The following SPTBN1 variants were observed in gnomAD, a reference collection of about 807,000 sequenced individuals.
The protein encoded by SPTBN1 is spectrin beta, non-erythrocytic 1, also known as spectrin beta chain, non-erythrocytic 1.
A neutral mutation model predicts 266.4 loss-of-function variants in SPTBN1; 32 were observed. That is an observed-to-expected ratio of 0.12 (90% CI 0.09 to 0.16). The LOEUF (loss-of-function observed/expected upper bound fraction) is 0.16. Among genes scored for constraint, SPTBN1 ranks in the 10% least tolerant of loss-of-function variants. The pLI is 1.00. For synonymous variants in SPTBN1, 1,336 were observed against 1,162.2 expected, an observed-to-expected ratio of 1.15 and a Z score of -3.04; for missense variants, 2,296 against 3,067.1, an observed-to-expected ratio of 0.75 and a Z score of 5.94.
rs758301456 is a variant in SPTBN1 at position 54,558,576 on chromosome 2, C to T, written c.148+32010C>T. 6.6e-6 allele frequency: 9 copies of T among 1,359,022 alleles called. No individual in the cohort carries two copies. The highest frequency in any genetic ancestry group is 8.5e-6 in the Non-Finnish European group (9 of 1,053,118). 84.2% of individuals were successfully genotyped at this position (1,359,022 alleles called of 1,614,324 possible). ...GAAGGGAAAGCAAGAAATTAGATGCCTGTGTGGTAACTCCTCGCGGAGCTA... is the reference window on the plus strand; with the variant it reads ...GAAGGGAAAGCAAGAAATTAGATGCTTGTGTGGTAACTCCTCGCGGAGCTA... On this transcript the variant is annotated intron_variant, in intron 2 of 35. Transcript: ENST00000356805. This position sits in a 1 kb window ranked among gnomAD's most constrained non-coding sequence, Gnocchi z 4.6.
In SPTBN1 at chr2:54,626,347, C is replaced by T. The variant is rs1678329164; in HGVS notation, c.1644+113C>T. ...GCTGTGTGCCTTGTCTAACTGCCCA[C>T]ATGTACAGCTAGAGAGGAGCCACAT... On this transcript the variant is annotated intron_variant, in intron 12 of 35. Coordinates refer to ENST00000356805, the MANE Select transcript of SPTBN1 (RefSeq NM_003128.3). The surrounding 1 kb of genome is among the most constrained non-coding windows in gnomAD (Gnocchi z 4.7). The T allele has an allele frequency of 7.7e-7, 1 of 1,292,018 alleles. No homozygotes were observed. The highest frequency in any genetic ancestry group is 2.6e-5 in the Admixed American group (1 of 38,418). 80.0% of individuals were successfully genotyped at this position (1,292,018 alleles called of 1,614,324 possible). A position where few individuals can be genotyped will look rare whatever the true frequency, so the allele number is the denominator to read the frequency against.
chr2:54,531,168 A>G (rs6710191), intron 2 of SPTBN1, among the ~76,000 whole-genome samples: 3,090 of 152,326 alleles, frequency 0.02, 109 homozygotes, highest in African/African-American at 0.068. Flanking sequence ...TTGTTCTAGC[A>G]TATTATTGAA....
At chr2:54,606,503 A>G (rs975469152) in intron 3 of SPTBN1, among the ~76,000 whole-genome samples, 11 of 152,164 alleles carry the variant, frequency 7.2e-5, no homozygotes, top group Non-Finnish European at 1.5e-4. Context: ...TGAACAGCAA[A>G]AATGTCAGAA....
At chr2:54,575,224 A>G (rs1674378487) in intron 2 of SPTBN1, among the ~76,000 whole-genome samples, 1 of 152,206 alleles carries the variant, frequency 6.6e-6, no homozygotes, top group Non-Finnish European at 1.5e-5. Flanking sequence ...AGCCACATTC[A>G]CAGGTGTTAA....
At chr2:54,470,773 A>G (rs531122318) in intron 1 of SPTBN1, among the ~76,000 whole-genome samples, 1 of 152,188 alleles carries the variant, frequency 6.6e-6, no homozygotes, top group Non-Finnish European at 1.5e-5. Context: ...CAGGGCTTCA[A>G]GACTAGCCTG....
At chr2:54,512,129 A>T (rs6545419) in intron 1 of SPTBN1, among the ~76,000 whole-genome samples, 121,230 of 152,146 alleles carry the variant, frequency 0.8, 48,895 homozygotes, top group African/African-American at 0.93. Flanking sequence ...GGTAGGTATA[A>T]GCAAACTATG....
chr2:54,486,884 G>A lies in SPTBN1; in HGVS notation c.-48+30366G>A, dbSNP rs544468111. Among the ~76,000 whole-genome samples, 13 of 152,266 alleles carry A rather than the reference G, an allele frequency of 8.5e-5. No homozygotes were observed. The South Asian group carries it at 2.7e-3, about 32-fold the overall frequency. ...GGCAAGAGCCTTGCCGGGGTCTTCT[G>A]ATGCTTGTATTGAAAAAACTGCTTT... On this transcript the variant is annotated intron_variant, in intron 1 of 35. Transcript: ENST00000356805.
intron 2 of SPTBN1, among the ~76,000 whole-genome samples, chr2:54,583,810 C>G (rs1345604223): frequency 6.6e-6 from 1 of 152,168 alleles, no homozygotes; most frequent in Non-Finnish European, 1.5e-5. Flanking sequence ...TGTTTTCCTC[C>G]AGTGAGTGCT....
intron 2 of SPTBN1, among the ~76,000 whole-genome samples, chr2:54,539,064 C>T (rs546247001): frequency 6.6e-6 from 1 of 152,278 alleles, no homozygotes; most frequent in Admixed American, 6.5e-5. Flanking sequence ...CTATTCTGTA[C>T]CCCATGTTCT....
intron 1 of SPTBN1, among the ~76,000 whole-genome samples, chr2:54,522,394 G>A (rs1167922640): frequency 6.6e-6 from 1 of 151,992 alleles, no homozygotes; most frequent in Non-Finnish European, 1.5e-5. Flanking sequence ...ACTTTGTGAG[G>A]CCAAAGCAAG....
chr2:54,585,458 A>G (rs1675228985), intron 2 of SPTBN1, among the ~76,000 whole-genome samples: 1 of 152,170 alleles, frequency 6.6e-6, no homozygotes, highest in African/African-American at 2.4e-5. Flanking sequence ...TACATTGGGT[A>G]CTTACAGGAT....
chr2:54,608,989 C>T (rs1677038651), intron 3 of SPTBN1, among the ~76,000 whole-genome samples: 4 of 152,108 alleles, frequency 2.6e-5, no homozygotes, highest in African/African-American at 7.2e-5. Context: ...TAAATGTCTT[C>T]ATCCTTGTCT....
At chr2:54,617,024 G>A (rs1471669457) in intron 5 of SPTBN1, among the ~76,000 whole-genome samples, 1 of 152,174 alleles carries the variant, frequency 6.6e-6, no homozygotes, top group Non-Finnish European at 1.5e-5. Flanking sequence ...GGTCAAGTCA[G>A]GTATGAACCT....
At chr2:54,502,801 A>C (rs2104131659) in intron 1 of SPTBN1, among the ~76,000 whole-genome samples, 1 of 152,296 alleles carries the variant, frequency 6.6e-6, no homozygotes, top group East Asian at 1.9e-4. Context: ...TGGAGCTTCT[A>C]GATGGAGGTT....
intron 2 of SPTBN1, chr2:54,557,915 G>A: frequency 3.0e-6 from 3 of 985,354 alleles, no homozygotes; most frequent in Non-Finnish European, 3.6e-6. Flanking sequence ...CCGCCGCCGC[G>A]TGGTTGGCGC....
At position 54,558,628 on chromosome 2, in the gene SPTBN1, C is replaced by G. The variant is rs1673046645; in HGVS notation, c.148+32062C>G. 3.4e-6 allele frequency: 5 copies of G among 1,462,182 alleles called. No homozygotes were observed. Among genetic ancestry groups the G allele is most frequent in the Non-Finnish European group, 3.6e-6 (4 of 1,106,312 alleles). 90.6% of individuals were successfully genotyped at this position (1,462,182 alleles called of 1,614,324 possible). A position where few individuals can be genotyped will look rare whatever the true frequency, so the allele number is the denominator to read the frequency against. ...GGTGGACTCTCTTGCAGCCAACTTC[C>G]CATCAGATCACCCTGCTGGACTTGC... On this transcript the variant is annotated intron_variant, in intron 2 of 35. Transcript: ENST00000356805. The surrounding 1 kb of genome is among the most constrained non-coding windows in gnomAD (Gnocchi z 4.6).
chr2:54,645,174 A>G lies in SPTBN1; in HGVS notation c.4270-55A>G. The G allele has an allele frequency of 1.3e-6, 2 of 1,585,992 alleles. No homozygotes were observed. The highest frequency in any genetic ancestry group is 2.2e-5 in the South Asian group (2 of 89,964). On this transcript the variant is annotated intron_variant, in intron 20 of 35. Coordinates refer to ENST00000356805, the MANE Select transcript of SPTBN1 (RefSeq NM_003128.3). The surrounding 1 kb of genome is among the most constrained non-coding windows in gnomAD (Gnocchi z 4.3). ...AGGCCCAGCAGTTCTGCTTAGAGCC[A>G]GTCACTGCAAAAGATAGTCTGTGCT...
chr2:54,615,764 C>A lies in SPTBN1; in HGVS notation c.475-443C>A, dbSNP rs150688684. Among the ~76,000 whole-genome samples, 345 of 152,310 alleles carry A rather than the reference C, an allele frequency of 2.3e-3. 3 individuals carry two copies. The highest frequency in any genetic ancestry group is 3.4e-3 in the Middle Eastern group (1 of 294). On this transcript the variant is annotated intron_variant, in intron 4 of 35. Coordinates refer to ENST00000356805, the MANE Select transcript of SPTBN1 (RefSeq NM_003128.3). ...ACCATGGAAGCACAGCGTTTAAGCC[C>A]ACACTTGCTCTAATAGTTTGGAAAT...
At chr2:54,519,138 C>T (rs964693246) in intron 1 of SPTBN1, among the ~76,000 whole-genome samples, 15 of 152,116 alleles carry the variant, frequency 9.9e-5, no homozygotes, top group South Asian at 2.1e-4. Flanking sequence ...ATTGACTTTG[C>T]CCCTGTGCTC....
Sources: allele counts gnomAD v4.1 joint callset (sites outside exome capture counted in the v4.1 genomes callset), GRCh38; gene constraint gnomAD v4.1.1; non-coding constraint Gnocchi (gnomAD v3.1); transcripts MANE v1.5; gene names NCBI Gene and HGNC (gene_info 2026-07-23, HGNC 2026-07-21).